Variants in SLIT2 observed in about 807,000 individuals in gnomAD.
SLIT2 encodes the protein slit homolog 2 protein.
SLIT2 carries 41 observed loss-of-function variants against 185.7 expected under a neutral mutation model. The observed-to-expected ratio is 0.22, with a 90% CI of 0.17 to 0.29. The LOEUF (loss-of-function observed/expected upper bound fraction) is 0.29. Ranked by LOEUF, SLIT2 falls within the 10% of genes least tolerant of loss-of-function variation. SLIT2 has a pLI of 1.00. For synonymous variants in SLIT2, 693 were observed against 680.2 expected (o/e 1.02, Z -0.29); for missense variants, 1,571 against 1,909.0 (o/e 0.82, Z 3.30).
At chr4:20,536,558 CAAAA>C (rs35710842) in intron 18 of SLIT2, among the ~76,000 whole-genome samples, 1 of 75,830 alleles carries the variant, frequency 1.3e-5, no homozygotes, top group Non-Finnish European at 2.5e-5. Context: ...AACTCTGTCG[CAAAA>C]AAAAAAAAAA....
At chr4:20,348,191 T>A (rs193272271) in intron 4 of SLIT2, among the ~76,000 whole-genome samples, 1 of 152,282 alleles carries the variant, frequency 6.6e-6, no homozygotes, top group African/African-American at 2.4e-5. Context: ...GTTAAAATGC[T>A]GAGTCTGATA....
chr4:20,285,851 G>C (rs55816822), intron 4 of SLIT2, among the ~76,000 whole-genome samples: 1 of 152,086 alleles, frequency 6.6e-6, no homozygotes, highest in South Asian at 2.1e-4. Flanking sequence ...CCCAACCTGC[G>C]TTACTCCTAA....
At chr4:20,446,930 T>A (rs1227486948) in intron 4 of SLIT2, among the ~76,000 whole-genome samples, 1 of 152,216 alleles carries the variant, frequency 6.6e-6, no homozygotes, top group African/African-American at 2.4e-5. Context: ...TATTTTTGTT[T>A]AGGATCTGAT....
intron 4 of SLIT2, among the ~76,000 whole-genome samples, chr4:20,388,984 A>T (rs1560379608): frequency 6.8e-6 from 1 of 148,030 alleles, no homozygotes; most frequent in Non-Finnish European, 1.5e-5. Context: ...AAATATATAT[A>T]TGTATATAGG....
intron 6 of SLIT2, among the ~76,000 whole-genome samples, chr4:20,482,833 G>GC (rs1553910775): frequency 6.0e-5 from 9 of 149,866 alleles, no homozygotes; most frequent in Admixed American, 3.3e-4. Flanking sequence ...TACTTTAAAT[G>GC]TTTTTTTTTC....
In SLIT2 at chr4:20,610,026, A is replaced by G; in HGVS notation, c.3706A>G (p.Asn1236Asp). The change falls in exon 34 of 37, where the codon AAT (asparagine) becomes GAT (aspartate). Residue 1236 changes from asparagine (N) to aspartate (D), a missense_variant. Around this residue, in one of 3 missense-constraint regions of SLIT2, gnomAD observed 146 missense variants for 247.4 expected, o/e 0.59. Coordinates refer to ENST00000504154, the MANE Select transcript of SLIT2 (RefSeq NM_004787.4). ...ASAIYSVETI[N>D]DGNFHIVELL... ...TTTCCGTTGTAGTGTGGAGACAATC[A>G]ATGATGGAAACTTCCACATTGTGGA... The G allele has an allele frequency of 1.9e-6, 3 of 1,612,830 alleles. No individual in the cohort carries two copies. The highest frequency in any genetic ancestry group is 2.5e-6 in the Non-Finnish European group (3 of 1,179,434).
chr4:20,288,158 T>C (rs1324750268), intron 4 of SLIT2, among the ~76,000 whole-genome samples: 1 of 152,204 alleles, frequency 6.6e-6, no homozygotes. Context: ...CATATTATTG[T>C]AATTTATCTG....
chr4:20,509,109 T>C (rs1719473275), intron 9 of SLIT2, among the ~76,000 whole-genome samples: 1 of 151,858 alleles, frequency 6.6e-6, no homozygotes, highest in African/African-American at 2.4e-5. Context: ...ATATGGTCAG[T>C]ATGTTGTCAT....
chr4:20,439,931 G>A (rs1176387970), intron 4 of SLIT2, among the ~76,000 whole-genome samples: 1 of 152,166 alleles, frequency 6.6e-6, no homozygotes, highest in East Asian at 1.9e-4. Flanking sequence ...TGACTTAAAA[G>A]CACACAGAAA....
At chr4:20,490,545 G>T (rs1312791010) in intron 8 of SLIT2, among the ~76,000 whole-genome samples, 1 of 152,086 alleles carries the variant, frequency 6.6e-6, no homozygotes, top group African/African-American at 2.4e-5. Flanking sequence ...AACGTATAAT[G>T]CATCGTAAGT....
intron 34 of SLIT2, among the ~76,000 whole-genome samples, chr4:20,611,397 A>AT (rs1376012788): frequency 6.6e-6 from 1 of 152,218 alleles, no homozygotes; most frequent in African/African-American, 2.4e-5. Context: ...TACTTACCAC[A>AT]TACTAGGAAC....
intron 4 of SLIT2, among the ~76,000 whole-genome samples, chr4:20,458,990 CAGTA>C (rs1241709460): frequency 6.6e-6 from 1 of 152,122 alleles, no homozygotes; most frequent in East Asian, 1.9e-4. Context: ...CAGTTATTGT[CAGTA>C]AGTTATTGAC....
intron 29 of SLIT2, among the ~76,000 whole-genome samples, chr4:20,575,471 C>A (rs1327241291): frequency 6.6e-6 from 1 of 152,130 alleles, no homozygotes; most frequent in Non-Finnish European, 1.5e-5. Flanking sequence ...GAAAAAACTT[C>A]TATGAAACAA....
intron 3 of SLIT2, among the ~76,000 whole-genome samples, chr4:20,266,182 A>G (rs1266482272): frequency 6.8e-6 from 1 of 147,620 alleles, no homozygotes; most frequent in African/African-American, 2.5e-5. Context: ...AATAATTAAG[A>G]AAAAAAAAAA....
chr4:20,579,565 T>C (rs1726364647), intron 29 of SLIT2, among the ~76,000 whole-genome samples: 1 of 152,090 alleles, frequency 6.6e-6, no homozygotes, highest in Non-Finnish European at 1.5e-5. Context: ...AAATTTTCCA[T>C]ATAGGAACTT....
chr4:20,550,701 T>TA, intron 24 of SLIT2, 126 bp from the exon 25 acceptor site: 1 of 497,866 alleles, frequency 2.0e-6, no homozygotes, highest in Non-Finnish European at 3.5e-6. Flanking sequence ...CAAAACTGTT[T>TA]ATTTTATAGA....
At chr4:20,305,957 G>A (rs1717506439) in intron 4 of SLIT2, among the ~76,000 whole-genome samples, 1 of 150,790 alleles carries the variant, frequency 6.6e-6, no homozygotes, top group South Asian at 2.1e-4. Flanking sequence ...ATAGGTTAGC[G>A]TTAAGTGTAT....
chr4:20,348,598 G>T (rs1721629452), intron 4 of SLIT2, among the ~76,000 whole-genome samples: 1 of 152,020 alleles, frequency 6.6e-6, no homozygotes, highest in South Asian at 2.1e-4. Context: ...CCTCTAGTTG[G>T]GCAAGGCTAT....
At chr4:20,270,675 G>A (rs1404929574) in intron 4 of SLIT2, among the ~76,000 whole-genome samples, 1 of 151,884 alleles carries the variant, frequency 6.6e-6, no homozygotes, top group Non-Finnish European at 1.5e-5. Flanking sequence ...TTGTTAGGTG[G>A]AGCTAGTTAC....
Sources: gnomAD v4.1 joint callset for allele counts (sites outside exome capture counted in the v4.1 genomes callset) on GRCh38, gnomAD v4.1.1 for gene constraint, gnomAD v4.1.1 regional missense constraint, MANE v1.5 for transcripts, NCBI Gene and HGNC (gene_info 2026-07-23, HGNC 2026-07-21) for gene names.